TMC5: variants seen among roughly 807,000 people sequenced by gnomAD.
The protein encoded by TMC5 is transmembrane channel like 5, also known as transmembrane channel-like protein 5.
A neutral mutation model predicts 110.5 loss-of-function variants in TMC5; 86 were observed. The ratio of observed to expected loss-of-function variants is 0.78; its 90% CI spans 0.65 to 0.93. TMC5 has a LOEUF of 0.93. Ranked by LOEUF, TMC5 falls within the 40% of genes least tolerant of loss-of-function variation. The pLI, the probability that TMC5 is intolerant of heterozygous loss-of-function variation, is 0.00. For synonymous variants in TMC5, 455 were observed against 439.5 expected, an observed-to-expected ratio of 1.04 and a Z score of -0.44; for missense variants, 1,144 against 1,222.8, an observed-to-expected ratio of 0.94 and a Z score of 0.96.
chr16:19,462,336 T>C (rs994054789), intron 6 of TMC5, among the ~76,000 whole-genome samples: 2 of 152,270 alleles, frequency 1.3e-5, no homozygotes, highest in African/African-American at 4.8e-5. Context: ...CTCCACTCCT[T>C]AGTTTCACAA....
chr16:19,429,332 G>T (rs754632725), intron 1 of TMC5, among the ~76,000 whole-genome samples: 2 of 152,160 alleles, frequency 1.3e-5, no homozygotes, highest in Non-Finnish European at 2.9e-5. Context: ...AGTGATGGAA[G>T]CTATTGCTCT....
chr16:19,476,593 G>A (rs551211073), intron 12 of TMC5, among the ~76,000 whole-genome samples: 1 of 152,114 alleles, frequency 6.6e-6, no homozygotes, highest in African/African-American at 2.4e-5. Flanking sequence ...CAATAAAGAG[G>A]TTGGCAGTGT....
Position 19,470,869 on chromosome 16 carries a change from T to TA in TMC5, c.1782+1051dup, listed in dbSNP as rs575732092. The stretch of plus-strand genomic sequence containing the variant: ...CAACATGATGAAACCCCATCTCTAC[T>TA]AAAAAAAGGACAAAAAAGTAGCCGG... On this transcript the variant is annotated intron_variant, in intron 10 of 21. Coordinates refer to ENST00000542583, the MANE Select transcript of TMC5 (RefSeq NM_001261841.2). Among the ~76,000 whole-genome samples the TA allele has an allele frequency of 4.2e-3, 626 of 150,764 alleles. 26 individuals carry two copies. Among genetic ancestry groups the TA allele is most frequent in the Non-Finnish European group, 5.4e-3 (368 of 67,772 alleles).
intron 12 of TMC5, among the ~76,000 whole-genome samples, chr16:19,474,485 C>T (rs564213848): frequency 2.0e-5 from 3 of 151,788 alleles, no homozygotes; most frequent in Admixed American, 6.6e-5. Flanking sequence ...ACCAGGAGTT[C>T]GAGAACAGCC....
At chr16:19,434,323 AGATC>A (rs1255183339) in intron 2 of TMC5, among the ~76,000 whole-genome samples, 59 of 115,724 alleles carry the variant, frequency 5.1e-4, no homozygotes, top group African/African-American at 1.8e-3. Context: ...TATATAATAT[AGATC>A]TATATATAAT....
chr16:19,473,664 G>T (rs1013278020), intron 11 of TMC5, among the ~76,000 whole-genome samples: 1 of 152,062 alleles, frequency 6.6e-6, no homozygotes, highest in Non-Finnish European at 1.5e-5. Flanking sequence ...ACGGGGTAAG[G>T]AAATTAATGG....
chr16:19,479,354 C>A, intron 13 of TMC5, 77 bp from the exon 14 acceptor site: 1 of 1,089,728 alleles, frequency 9.2e-7, no homozygotes, highest in Non-Finnish European at 1.4e-6. Flanking sequence ...CTGATGGGTA[C>A]ATAGAGCCAG....
Position 19,481,409 on chromosome 16 carries a change from G to A in TMC5, c.2307G>A (p.Gln769=), listed in dbSNP as rs762672117. 14 of 1,614,004 alleles carry A rather than the reference G, an allele frequency of 8.7e-6. No homozygotes were observed. In the East Asian group the frequency reaches 2.9e-4, roughly 33 times the overall value. ...GMQLITSLGL[Q]EFDIARNVLE... Reference sequence around the variant, plus strand: ...AACTGATCACAAGTCTTGGCCTTCAGGAGTTTGACATTGCCAGGAACGTTC... The same window carrying A: ...AACTGATCACAAGTCTTGGCCTTCAAGAGTTTGACATTGCCAGGAACGTTC... Residue 769 remains glutamine (Q), a synonymous_variant, in exon 15 of 22, where the codon CAG becomes CAA. Transcript: ENST00000542583.
chr16:19,493,119 AC>A (rs1968957320), intron 19 of TMC5, among the ~76,000 whole-genome samples: 1 of 149,846 alleles, frequency 6.7e-6, no homozygotes, highest in African/African-American at 2.5e-5. Flanking sequence ...CTGCCACCAC[AC>A]CCGGCTAATT....
chr16:19,434,025 AATCTATAT>A (rs1220572714), intron 2 of TMC5, among the ~76,000 whole-genome samples: 2 of 5,818 alleles, frequency 3.4e-4, no homozygotes, highest in Non-Finnish European at 7.8e-4. Context: ...TATATATATA[AATCTATAT>A]ATTATATATA....
At chr16:19,416,028 A>G (rs367611160), upstream of TMC5, among the ~76,000 whole-genome samples, 184 of 152,198 alleles carry the variant, frequency 1.2e-3, no homozygotes, top group African/African-American at 4.2e-3. Context: ...AAAAATTTAA[A>G]ATGTTAGCCA....
At chr16:19,447,630 G>A (rs776602452) in intron 4 of TMC5, among the ~76,000 whole-genome samples, 1 of 152,034 alleles carries the variant, frequency 6.6e-6, no homozygotes, top group Non-Finnish European at 1.5e-5. Flanking sequence ...TTTAGTGCAG[G>A]CTGGAGTGCA....
intron 17 of TMC5, among the ~76,000 whole-genome samples, chr16:19,489,761 A>G (rs1968840799): frequency 6.7e-6 from 1 of 150,334 alleles, no homozygotes; most frequent in Non-Finnish European, 1.5e-5. Context: ...CTGGAATTGC[A>G]GGCGAGCCAC....
chr16:19,424,334 C>T (rs150117198), intron 1 of TMC5, among the ~76,000 whole-genome samples: 1 of 152,176 alleles, frequency 6.6e-6, no homozygotes, highest in Admixed American at 6.5e-5. Context: ...TATCATATTA[C>T]CCGTAAACCG....
At chr16:19,442,379 A>T (rs1463293108) in intron 3 of TMC5, among the ~76,000 whole-genome samples, 1 of 141,896 alleles carries the variant, frequency 7.0e-6, no homozygotes, top group African/African-American at 2.7e-5. Flanking sequence ...TCCAGGTTGG[A>T]GTGCAGTGGC....
In TMC5 at chr16:19,498,305, A is replaced by T. The variant is rs553810940; in HGVS notation, c.*339A>T. 4.1e-6 allele frequency: 1 copy of T among 244,418 alleles called. No individual in the cohort carries two copies. Among genetic ancestry groups the T allele is most frequent in the South Asian group, 5.5e-5 (1 of 18,262 alleles). 15.1% of individuals were successfully genotyped at this position (244,418 alleles called of 1,614,324 possible). On this transcript the variant is annotated 3_prime_UTR_variant, in exon 22 of 22. Transcript: ENST00000542583. ...GTGTGCAGGAATGATTGGTTCTTAG[A>T]AATCTCTCCTGCCAGACTTCCCAGA...
chr16:19,437,970 G>A (rs916795085), intron 2 of TMC5, among the ~76,000 whole-genome samples: 1 of 152,164 alleles, frequency 6.6e-6, no homozygotes, highest in East Asian at 1.9e-4. Flanking sequence ...GGGGGATGGT[G>A]GACACCTGAG....
chr16:19,443,066 A>T (rs1396207767), intron 3 of TMC5, among the ~76,000 whole-genome samples: 1 of 152,136 alleles, frequency 6.6e-6, no homozygotes, highest in Non-Finnish European at 1.5e-5. Context: ...AGCCTGACTG[A>T]TCTCCTCTTA....
chr16:19,425,941 C>T (rs1226719391), intron 1 of TMC5, among the ~76,000 whole-genome samples: 1 of 152,212 alleles, frequency 6.6e-6, no homozygotes, highest in Non-Finnish European at 1.5e-5. Flanking sequence ...CCCGCCTTGG[C>T]CTCCCAAATT....
Sources: allele counts gnomAD v4.1 joint callset (sites outside exome capture counted in the v4.1 genomes callset), GRCh38; gene constraint gnomAD v4.1.1; transcripts MANE v1.5; gene names NCBI Gene and HGNC (gene_info 2026-07-23, HGNC 2026-07-21).